ABLIM1: variants seen among roughly 807,000 people sequenced by gnomAD.
The protein encoded by ABLIM1 is actin-binding LIM protein 1.
A neutral mutation model predicts 107.0 loss-of-function variants in ABLIM1; 40 were observed. The ratio of observed to expected loss-of-function variants is 0.37; its 90% CI spans 0.29 to 0.49. The LOEUF (loss-of-function observed/expected upper bound fraction) is 0.49. Among genes scored for constraint, ABLIM1 ranks in the 20% least tolerant of loss-of-function variants. ABLIM1 has a pLI of 0.97. For synonymous variants in ABLIM1, 357 were observed against 357.3 expected (o/e 1.00, Z 0.01); for missense variants, 857 against 1,008.5 (o/e 0.85, Z 2.04).
intron 1 of ABLIM1, among the ~76,000 whole-genome samples, chr10:114,734,872 A>T (rs2082147588): frequency 1.3e-5 from 2 of 152,218 alleles, no homozygotes; most frequent in South Asian, 4.1e-4. Context: ...AAGTAAACAT[A>T]CGCAAAATAG....
At chr10:114,761,691 C>T (rs1468548314) in intron 1 of ABLIM1, among the ~76,000 whole-genome samples, 4 of 152,080 alleles carry the variant, frequency 2.6e-5, no homozygotes, top group Non-Finnish European at 5.9e-5. Flanking sequence ...CCAAAGTGCC[C>T]TCTCCATCTC....
rs894043802 is a variant in ABLIM1, at chr10:114,559,191, G to A, written c.674-11415C>T. The stretch of plus-strand genomic sequence containing the variant: ...GAAATCAAAAGAAGGGTTCTCTTTC[G>A]CCTGAAAATGCCATTTGCATAGCAA... On this transcript the variant is annotated intron_variant, in intron 4 of 22. Coordinates refer to ENST00000533213, the MANE Select transcript of ABLIM1 (RefSeq NM_002313.7). Among the ~76,000 whole-genome samples the A allele has an allele frequency of 3.5e-4, 53 of 152,028 alleles. No homozygotes were observed. The Middle Eastern group carries it at 0.014, about 39-fold the overall frequency.
chr10:114,541,691 C>T (rs1372660138), intron 6 of ABLIM1, among the ~76,000 whole-genome samples: 1 of 152,236 alleles, frequency 6.6e-6, no homozygotes, highest in African/African-American at 2.4e-5. Flanking sequence ...GGAAAGTCTC[C>T]AAGTCTTAGG....
intron 8 of ABLIM1, among the ~76,000 whole-genome samples, chr10:114,478,526 C>G (rs938353126): frequency 6.6e-6 from 1 of 152,180 alleles, no homozygotes; most frequent in South Asian, 2.1e-4. Flanking sequence ...AGAAGTCTCA[C>G]GAGACCTGGT....
At chr10:114,732,154 T>G (rs117066064) in intron 1 of ABLIM1, among the ~76,000 whole-genome samples, 1 of 151,434 alleles carries the variant, frequency 6.6e-6, no homozygotes, top group Non-Finnish European at 1.5e-5. Flanking sequence ...TTGGGTTTGA[T>G]TTGCATTTTT....
chr10:114,611,621 A>C (rs979298235), intron 1 of ABLIM1, among the ~76,000 whole-genome samples: 1 of 152,186 alleles, frequency 6.6e-6, no homozygotes, highest in African/African-American at 2.4e-5. Flanking sequence ...TTCTGCTCAA[A>C]TCCAGTTAAT....
At chr10:114,643,242 T>C (rs1256442908) in intron 1 of ABLIM1, among the ~76,000 whole-genome samples, 2 of 152,218 alleles carry the variant, frequency 1.3e-5, no homozygotes, top group African/African-American at 4.8e-5. Flanking sequence ...AAGGGAAATG[T>C]GAAAACAACA....
At chr10:114,627,332 C>T (rs979582040) in intron 1 of ABLIM1, among the ~76,000 whole-genome samples, 2 of 152,152 alleles carry the variant, frequency 1.3e-5, no homozygotes, top group East Asian at 3.8e-4. Flanking sequence ...CTTTCCTGAT[C>T]GGCATACTTG....
intron 6 of ABLIM1, among the ~76,000 whole-genome samples, chr10:114,516,974 T>G (rs2062931434): frequency 6.6e-6 from 1 of 152,222 alleles, no homozygotes; most frequent in African/African-American, 2.4e-5. Context: ...TAATAGTAGA[T>G]GCCATTCCTT....
chr10:114,536,130 A>G (rs554816739), intron 6 of ABLIM1, among the ~76,000 whole-genome samples: 2 of 147,846 alleles, frequency 1.4e-5, no homozygotes, highest in East Asian at 4.0e-4. Context: ...TCTCTAACTT[A>G]CTGCCTGTCT....
intron 4 of ABLIM1, among the ~76,000 whole-genome samples, chr10:114,569,957 C>A (rs564134879): frequency 6.6e-6 from 1 of 152,312 alleles, no homozygotes; most frequent in South Asian, 2.1e-4. Flanking sequence ...AATTTCTATG[C>A]AAATGCTTTA....
intron 13 of ABLIM1, among the ~76,000 whole-genome samples, chr10:114,452,153 CAG>C (rs957347777): frequency 1.8e-4 from 27 of 151,936 alleles, no homozygotes; most frequent in Admixed American, 3.9e-4. Flanking sequence ...TTAAAAAAAA[CAG>C]AAACTTTTTA....
chr10:114,695,359 T>A (rs1430419062), intron 1 of ABLIM1, among the ~76,000 whole-genome samples: 1 of 152,190 alleles, frequency 6.6e-6, no homozygotes, highest in Non-Finnish European at 1.5e-5. Flanking sequence ...CATTTAATAC[T>A]CACACCCCCC....
At chr10:114,772,701 C>T (rs1057018897), upstream of ABLIM1, among the ~76,000 whole-genome samples, 19 of 152,076 alleles carry the variant, frequency 1.2e-4, no homozygotes, top group African/African-American at 4.6e-4. Context: ...TGCCAAAATA[C>T]ACAGGAAAAG....
At chr10:114,610,638 C>T (rs1056730464) in intron 1 of ABLIM1, 4 of 152,180 alleles carry the variant, frequency 2.6e-5, no homozygotes, top group Non-Finnish European at 4.4e-5. Flanking sequence ...CCTAAAGGCC[C>T]ATTTCCTGCT....
chr10:114,747,320 G>A (rs567193439), intron 1 of ABLIM1, among the ~76,000 whole-genome samples: 4 of 152,296 alleles, frequency 2.6e-5, no homozygotes, highest in South Asian at 2.1e-4. Flanking sequence ...CACAGACCAC[G>A]GGGACATGGA....
chr10:114,566,921 T>C lies in ABLIM1; in HGVS notation c.673+4376A>G, dbSNP rs1293205819. Among the ~76,000 whole-genome samples the C allele has an allele frequency of 2.6e-5, 4 of 152,146 alleles. No individual in the cohort carries two copies. In the East Asian group the frequency reaches 7.7e-4, roughly 29 times the overall value. On this transcript the variant is annotated intron_variant, in intron 4 of 22. Coordinates refer to ENST00000533213, the MANE Select transcript of ABLIM1 (RefSeq NM_002313.7). ...AAAATTAGCCAGGTGTGGTAGTGCA[T>C]GCCTGTAATCCCAGCTACTCAGCAG...
chr10:114,730,227 A>C (rs1180160616), intron 1 of ABLIM1, among the ~76,000 whole-genome samples: 6 of 151,878 alleles, frequency 4.0e-5, no homozygotes, highest in African/African-American at 1.5e-4. Flanking sequence ...GTGAAACCCC[A>C]TCTCTACTAA....
chr10:114,525,499 A>G (rs1387362424), intron 6 of ABLIM1, among the ~76,000 whole-genome samples: 2 of 152,268 alleles, frequency 1.3e-5, no homozygotes, highest in African/African-American at 4.8e-5. Context: ...ATGCTTGGCA[A>G]GGCCTCACGC....
Sources: allele counts gnomAD v4.1 joint callset (sites outside exome capture counted in the v4.1 genomes callset), GRCh38; gene constraint gnomAD v4.1.1; transcripts MANE v1.5; gene names NCBI Gene and HGNC (gene_info 2026-07-23, HGNC 2026-07-21).